The following NRCAM variants were observed in gnomAD, a reference collection of about 807,000 sequenced individuals.
NRCAM encodes the protein NgCAM-related cell adhesion molecule.
Under a neutral mutation model 156.5 loss-of-function variants are expected in NRCAM, and 83 were observed. The ratio of observed to expected loss-of-function variants is 0.53; its 90% CI spans 0.44 to 0.64. The LOEUF (loss-of-function observed/expected upper bound fraction) is 0.64, where lower values mean the gene tolerates loss of function less well. NRCAM is among the 30% of genes least tolerant of loss of function. The pLI, the probability that NRCAM is intolerant of heterozygous loss-of-function variation, is 0.00. For missense variants in NRCAM, 1,417 were observed against 1,597.3 expected, an observed-to-expected ratio of 0.89 and a Z score of 1.92; for synonymous variants, 538 against 563.9, an observed-to-expected ratio of 0.95 and a Z score of 0.65.
intron 3 of NRCAM, among the ~76,000 whole-genome samples, chr7:108,256,235 G>T (rs558219871): frequency 0.022 from 3,360 of 151,630 alleles, 116 homozygotes; most frequent in African/African-American, 0.078. Context: ...CTGTGTCTGT[G>T]TAGAAAGAAG....
chr7:108,190,677 G>A (rs2070763712), intron 19 of NRCAM, among the ~76,000 whole-genome samples: 1 of 152,170 alleles, frequency 6.6e-6, no homozygotes, highest in Non-Finnish European at 1.5e-5. Context: ...TTATTTTCCA[G>A]ATTCTAAAAA....
rs146359133 is a variant in NRCAM at position 108,191,759 on chromosome 7, C to G, written c.1873G>C (p.Val625Leu). 44 of 1,613,764 alleles carry G rather than the reference C, an allele frequency of 2.7e-5. No homozygotes were observed. The highest frequency in any genetic ancestry group is 4.0e-5 in the African/African-American group (3 of 74,926). ...ACGCTAAGCACAGCGCTGGCGGAGA[C>G]GCTGTCCAGAGTGGTGTTGGCCACA... Reference protein sequence around the residue: ...TCVANTTLDSVSASAVLSVVA... With the variant: ...TCVANTTLDSLSASAVLSVVA... The change falls in exon 18 of 33, where the codon GTC becomes CTC. Residue 625 changes from valine to leucine, a missense_variant. Coordinates refer to ENST00000379028, the MANE Select transcript of NRCAM (RefSeq NM_001037132.4).
intron 18 of NRCAM, 84 bp from the exon 19 acceptor site, chr7:108,191,367 C>T: frequency 1.9e-6 from 2 of 1,051,046 alleles, no homozygotes; most frequent in Non-Finnish European, 2.8e-6. Context: ...AAAGACTGTA[C>T]ATTATTCAAG....
intron 22 of NRCAM, among the ~76,000 whole-genome samples, chr7:108,183,461 C>T (rs1447468500): frequency 6.6e-6 from 1 of 151,930 alleles, no homozygotes; most frequent in African/African-American, 2.4e-5. Context: ...TTTCCAAATC[C>T]AGAAAACACA....
chr7:108,190,516 C>A (rs1436772449), intron 19 of NRCAM, among the ~76,000 whole-genome samples: 5 of 151,966 alleles, frequency 3.3e-5, no homozygotes, highest in Admixed American at 3.3e-4. Context: ...TAAATGTCTA[C>A]AAAGCACAGG....
At chr7:108,403,611 G>GTT (rs1310013887) in intron 1 of NRCAM, among the ~76,000 whole-genome samples, 2 of 152,112 alleles carry the variant, frequency 1.3e-5, no homozygotes, top group Non-Finnish European at 2.9e-5. Flanking sequence ...CTGGATAAAG[G>GTT]TTTTAACATT....
chr7:108,225,830 C>T (rs2093351875), intron 9 of NRCAM, 129 bp from the exon 10 acceptor site: 4 of 734,004 alleles, frequency 5.4e-6, no homozygotes, highest in African/African-American at 3.4e-5. Flanking sequence ...AAAAACAGTG[C>T]TTTACATTGT....
chr7:108,156,193 A>G, intron 32 of NRCAM: 1 of 519,420 alleles, frequency 1.9e-6, no homozygotes. Flanking sequence ...ACATCTTGGC[A>G]TCATTCAAGC....
At chr7:108,411,471 T>TA (rs1207416773) in intron 1 of NRCAM, among the ~76,000 whole-genome samples, 1 of 152,232 alleles carries the variant, frequency 6.6e-6, no homozygotes, top group Non-Finnish European at 1.5e-5. Flanking sequence ...TTTTACAACT[T>TA]ACTTTTTAAA....
intron 28 of NRCAM, among the ~76,000 whole-genome samples, chr7:108,169,297 G>T (rs2056996773): frequency 6.6e-6 from 1 of 152,130 alleles, no homozygotes; most frequent in Admixed American, 6.5e-5. Context: ...AATTCTATCA[G>T]TCCTACCTCA....
At chr7:108,453,125 T>C (rs570964191) in intron 1 of NRCAM, among the ~76,000 whole-genome samples, 1 of 152,372 alleles carries the variant, frequency 6.6e-6, no homozygotes, top group Non-Finnish European at 1.5e-5. Context: ...GTATCCCCAC[T>C]GCCTGGAACA....
Position 108,149,795 on chromosome 7 carries a change from A to C in NRCAM, c.*115T>G, listed in dbSNP as rs2040214106. The C allele has an allele frequency of 1.2e-6, 1 of 817,326 alleles. No homozygotes were observed. Among genetic ancestry groups the C allele is most frequent in the Non-Finnish European group, 2.0e-6 (1 of 501,958 alleles). The allele number at this position is 817,326 out of a possible 1,614,324, so 50.6% of individuals were successfully genotyped here. Reference sequence around the variant, plus strand: ...TGCTGTAACTATTCTCATAATACTAACATACAGCAGAAAATATACTCTCTA... The same window carrying C: ...TGCTGTAACTATTCTCATAATACTACCATACAGCAGAAAATATACTCTCTA... On this transcript the variant is annotated 3_prime_UTR_variant, in exon 33 of 33. Coordinates refer to ENST00000379028, the MANE Select transcript of NRCAM (RefSeq NM_001037132.4).
At chr7:108,316,417 C>A (rs1032043254) in intron 2 of NRCAM, among the ~76,000 whole-genome samples, 2 of 152,146 alleles carry the variant, frequency 1.3e-5, no homozygotes, top group Non-Finnish European at 2.9e-5. Context: ...TACTCTGTTG[C>A]ACAAAACAGA....
rs775631112 is a variant in NRCAM, at chr7:108,150,684, T to G, written c.3678-537A>C. ...TATCAATGCAGGCCAGACTGTAAACTTCAACCTTACCTTTCAAGAGACCTA... is the reference window on the plus strand; with the variant it reads ...TATCAATGCAGGCCAGACTGTAAACGTCAACCTTACCTTTCAAGAGACCTA... On this transcript the variant is annotated intron_variant, in intron 32 of 32. Coordinates refer to ENST00000379028, the MANE Select transcript of NRCAM (RefSeq NM_001037132.4). 1.1e-5 allele frequency: 6 copies of G among 531,740 alleles called. 1 individual carries two copies. The highest frequency in any genetic ancestry group is 8.5e-5 in the South Asian group (6 of 71,000). 32.9% of individuals were successfully genotyped at this position (531,740 alleles called of 1,614,324 possible).
intron 2 of NRCAM, among the ~76,000 whole-genome samples, chr7:108,332,514 G>C (rs2099137166): frequency 6.6e-6 from 1 of 151,890 alleles, no homozygotes; most frequent in African/African-American, 2.4e-5. Context: ...GTCCCTCCTT[G>C]TATAGAGTAC....
intron 3 of NRCAM, among the ~76,000 whole-genome samples, chr7:108,292,142 T>A (rs956206099): frequency 1.3e-5 from 2 of 152,236 alleles, no homozygotes. Flanking sequence ...TTTTTTAAAA[T>A]GGTACCAACT....
At chr7:108,422,639 G>A (rs887548100) in intron 1 of NRCAM, among the ~76,000 whole-genome samples, 2 of 152,042 alleles carry the variant, frequency 1.3e-5, no homozygotes, top group African/African-American at 4.8e-5. Flanking sequence ...AAAAAGAAAA[G>A]GGCAATAGGA....
At position 108,191,291 on chromosome 7, in the gene NRCAM, G is replaced by A. The variant is rs1252604484; in HGVS notation, c.1904-8C>T. 5.0e-6 allele frequency: 8 copies of A among 1,593,892 alleles called. No individual in the cohort carries two copies. The highest frequency in any genetic ancestry group is 6.9e-6 in the Non-Finnish European group (8 of 1,167,448). Reference sequence around the variant, plus strand: ...CTGGAGTTGGAGTAGGAGCTAGAAAGGACATTAATATAAAGGATTTTAATC... The same window carrying A: ...CTGGAGTTGGAGTAGGAGCTAGAAAAGACATTAATATAAAGGATTTTAATC... On this transcript the variant is annotated splice_polypyrimidine_tract_variant and splice_region_variant and intron_variant, in intron 18 of 32. Transcript: ENST00000379028.
chr7:108,291,854 CTG>C (rs529661845), intron 3 of NRCAM, among the ~76,000 whole-genome samples: 81 of 152,266 alleles, frequency 5.3e-4, no homozygotes, highest in African/African-American at 1.8e-3. Context: ...TGAAAGAACA[CTG>C]TGGTGTTACA....
Sources: gnomAD v4.1 joint callset for allele counts (sites outside exome capture counted in the v4.1 genomes callset) on GRCh38, gnomAD v4.1.1 for gene constraint, MANE v1.5 for transcripts, NCBI Gene and HGNC (gene_info 2026-07-23, HGNC 2026-07-21) for gene names.